Variants in ISM1 observed in about 807,000 individuals in gnomAD.
ISM1 encodes isthmin-1.
A neutral mutation model predicts 46.3 loss-of-function variants in ISM1; 25 were observed. The ratio of observed to expected loss-of-function variants is 0.54; its 90% CI spans 0.39 to 0.75. ISM1 has a LOEUF of 0.75. Ranked by LOEUF, ISM1 falls within the 30% of genes least tolerant of loss-of-function variation. The probability of loss-of-function intolerance (pLI) is 0.00; values close to 1 mark genes in which losing one functional copy is unlikely to be tolerated. For missense variants in ISM1, 536 were observed against 625.4 expected, an observed-to-expected ratio of 0.86 and a Z score of 1.52; for synonymous variants, 255 against 256.7, an observed-to-expected ratio of 0.99 and a Z score of 0.06.
chr20:13,307,998 T>C, the ISM1 span, among the ~76,000 whole-genome samples: 1 of 152,198 alleles, frequency 6.6e-6, no homozygotes, highest in African/African-American at 2.4e-5. Flanking sequence ...CCAGTAGTTT[T>C]CCAAAGTGGT....
intron 1 of ISM1, among the ~76,000 whole-genome samples, chr20:13,225,012 A>ATT (rs532771229): frequency 0.068 from 9,324 of 137,592 alleles, 386 homozygotes; most frequent in Non-Finnish European, 0.099. Flanking sequence ...CGCCCGGCTA[A>ATT]TTTTTTTTTT....
At chr20:13,272,909 A>C (rs1031899850) in intron 2 of ISM1, among the ~76,000 whole-genome samples, 1 of 152,248 alleles carries the variant, frequency 6.6e-6, no homozygotes, top group African/African-American at 2.4e-5. Flanking sequence ...GCCCAAAACA[A>C]TCTGAAGCCT....
chr20:13,308,793 G>A, the ISM1 span, among the ~76,000 whole-genome samples: 1 of 152,180 alleles, frequency 6.6e-6, no homozygotes. Context: ...ATTCGGAGGT[G>A]CAGCTTATGG....
At chr20:13,283,721 T>C (rs1466748319) in intron 3 of ISM1, among the ~76,000 whole-genome samples, 1 of 152,220 alleles carries the variant, frequency 6.6e-6, no homozygotes, top group Non-Finnish European at 1.5e-5. Context: ...CTAACAGTAG[T>C]ATACCATTTC....
At chr20:13,311,203 A>T in the ISM1 span, among the ~76,000 whole-genome samples, 2 of 149,170 alleles carry the variant, frequency 1.3e-5, no homozygotes, top group African/African-American at 5.0e-5. Context: ...TCAAAAAAAT[A>T]GATATAGATA....
chr20:13,253,842 AAC>A (rs33986364), intron 1 of ISM1, among the ~76,000 whole-genome samples: 28,606 of 151,658 alleles, frequency 0.19, 2,796 homozygotes, highest in East Asian at 0.25. Context: ...AAATTAAAAT[AAC>A]ACATACACAT....
chr20:13,309,990 T>A, the ISM1 span, among the ~76,000 whole-genome samples: 1 of 152,164 alleles, frequency 6.6e-6, no homozygotes, highest in Non-Finnish European at 1.5e-5. Flanking sequence ...TGGAAGAATT[T>A]ATATCACAAA....
Position 13,221,836 on chromosome 20 carries a change from C to A in ISM1, c.60C>A (p.His20Gln). 6.9e-7 allele frequency: 1 copy of A among 1,452,622 alleles called. No individual in the cohort carries two copies. Among genetic ancestry groups the A allele is most frequent in the Non-Finnish European group, 9.0e-7 (1 of 1,108,330 alleles). 90.0% of individuals were successfully genotyped at this position (1,452,622 alleles called of 1,614,324 possible). The change falls in exon 1 of 6, where the codon CAC (histidine) becomes CAA (glutamine). Residue 20 changes from histidine (H) to glutamine (Q), a missense_variant. Transcript: ENST00000262487. ...TGGGGCTGCTGCTGCTCACGCTGCACATCACCGTGCTGCGCGGCTCGGGAG... is the reference window on the plus strand; with the variant it reads ...TGGGGCTGCTGCTGCTCACGCTGCAAATCACCGTGCTGCGCGGCTCGGGAG... ...LLLGLLLLTL[H>Q]ITVLRGSGAA...
At chr20:13,292,525 T>C in intron 5 of ISM1, 62 bp downstream of exon 5, 1 of 1,013,860 alleles carries the variant, frequency 9.9e-7, no homozygotes. Context: ...TCCTTTTGCT[T>C]TTGCAATGCC....
intron 1 of ISM1, among the ~76,000 whole-genome samples, chr20:13,268,082 G>C (rs1239117068): frequency 7.0e-6 from 1 of 142,970 alleles, no homozygotes; most frequent in Non-Finnish European, 1.5e-5. Flanking sequence ...ATCTTATGTT[G>C]AGAAAAGATA....
chr20:13,223,473 G>C (rs984576074), intron 1 of ISM1, among the ~76,000 whole-genome samples: 2 of 152,240 alleles, frequency 1.3e-5, no homozygotes, highest in Non-Finnish European at 2.9e-5. Flanking sequence ...GGTACAGAGA[G>C]GTTAAAAAAC....
intron 3 of ISM1, among the ~76,000 whole-genome samples, chr20:13,283,905 G>C (rs1194038648): frequency 6.6e-6 from 1 of 152,096 alleles, no homozygotes; most frequent in Non-Finnish European, 1.5e-5. Context: ...CCACGTAAGA[G>C]CGTATCTTAA....
chr20:13,305,679 T>G, the ISM1 span, among the ~76,000 whole-genome samples: 1 of 152,200 alleles, frequency 6.6e-6, no homozygotes, highest in African/African-American at 2.4e-5. Context: ...TTACAGCCAG[T>G]TGTTTTTCTG....
At chr20:13,225,537 G>T (rs1333633181) in intron 1 of ISM1, among the ~76,000 whole-genome samples, 1 of 151,986 alleles carries the variant, frequency 6.6e-6, no homozygotes, top group Non-Finnish European at 1.5e-5. Context: ...TTGACTCTTT[G>T]TATGACTGTC....
intron 1 of ISM1, among the ~76,000 whole-genome samples, chr20:13,268,344 CTTCCT>C (rs2040071218): frequency 1.8e-5 from 1 of 55,884 alleles, no homozygotes; most frequent in Non-Finnish European, 3.7e-5. Context: ...TCTCCTTCTT[CTTCCT>C]CTCTCTCTCT....
At chr20:13,309,420 C>A in the ISM1 span, among the ~76,000 whole-genome samples, 1 of 151,982 alleles carries the variant, frequency 6.6e-6, no homozygotes, top group Non-Finnish European at 1.5e-5. Flanking sequence ...AAGAAATGCA[C>A]CTCAACACAA....
At chr20:13,263,065 C>T (rs1317833815) in intron 1 of ISM1, among the ~76,000 whole-genome samples, 1 of 152,122 alleles carries the variant, frequency 6.6e-6, no homozygotes, top group African/African-American at 2.4e-5. Flanking sequence ...GTCAGAGTGC[C>T]CAGCAAAGAC....
chr20:13,236,401 C>T (rs2039650094), intron 1 of ISM1, among the ~76,000 whole-genome samples: 1 of 152,180 alleles, frequency 6.6e-6, no homozygotes, highest in African/African-American at 2.4e-5. Context: ...CTTCCCACAA[C>T]ACATGGGAAT....
chr20:13,252,826 C>T (rs1406245862), intron 1 of ISM1, among the ~76,000 whole-genome samples: 1 of 152,102 alleles, frequency 6.6e-6, no homozygotes, highest in Non-Finnish European at 1.5e-5. Context: ...CTGAAGGAAA[C>T]TGTTTTTCTC....
Sources: gnomAD v4.1 joint callset for allele counts (sites outside exome capture counted in the v4.1 genomes callset) on GRCh38, gnomAD v4.1.1 for gene constraint, MANE v1.5 for transcripts, NCBI Gene and HGNC (gene_info 2026-07-23, HGNC 2026-07-21) for gene names.